Variants in TBC1D32 observed in about 807,000 individuals in gnomAD.
TBC1D32 encodes protein broad-minded.
In TBC1D32, 151 loss-of-function variants were observed where a neutral mutation model predicts 170.3. That is an observed-to-expected ratio of 0.89 (90% CI 0.78 to 1.01). The LOEUF (loss-of-function observed/expected upper bound fraction) is 1.01. TBC1D32 is among the 50% of genes least tolerant of loss of function. The pLI is 0.00. For synonymous variants in TBC1D32, 498 were observed against 488.0 expected (o/e 1.02, Z -0.27); for missense variants, 1,464 against 1,457.1 (o/e 1.00, Z -0.08).
At chr6:121,158,255 A>G (rs1056489678) in intron 24 of TBC1D32, among the ~76,000 whole-genome samples, 2 of 152,138 alleles carry the variant, frequency 1.3e-5, no homozygotes, top group African/African-American at 4.8e-5. Context: ...AAGCTTTGAG[A>G]TTCTTTCCTT....
At chr6:121,298,267 T>G (rs1223238555) in intron 10 of TBC1D32, among the ~76,000 whole-genome samples, 1 of 152,118 alleles carries the variant, frequency 6.6e-6, no homozygotes, top group African/African-American at 2.4e-5. Flanking sequence ...AATATTTGAC[T>G]AAGTTGATAA....
intron 5 of TBC1D32, among the ~76,000 whole-genome samples, chr6:121,305,942 CATA>C (rs1192422504): frequency 6.6e-6 from 1 of 151,974 alleles, no homozygotes; most frequent in African/African-American, 2.4e-5. Context: ...AACCTTGCTG[CATA>C]ATAATTTAAA....
chr6:121,197,971 A>G (rs1189902351), intron 22 of TBC1D32, among the ~76,000 whole-genome samples: 2 of 151,684 alleles, frequency 1.3e-5, no homozygotes, highest in African/African-American at 4.8e-5. Context: ...AAAAGGTGAG[A>G]CTGGCCTAGC....
intron 21 of TBC1D32, among the ~76,000 whole-genome samples, chr6:121,220,930 G>A (rs976054723): frequency 9.2e-5 from 14 of 151,998 alleles, no homozygotes; most frequent in East Asian, 1.9e-4. Context: ...CATGAACAAC[G>A]ACGCCCGGCC....
chr6:121,101,980 C>A (rs1349013807), intron 30 of TBC1D32, among the ~76,000 whole-genome samples: 1 of 152,112 alleles, frequency 6.6e-6, no homozygotes, highest in Non-Finnish European at 1.5e-5. Flanking sequence ...AGTGAACTCC[C>A]ATTCACAATT....
chr6:121,204,279 G>A (rs901684997), intron 22 of TBC1D32, among the ~76,000 whole-genome samples: 2 of 151,184 alleles, frequency 1.3e-5, no homozygotes, highest in Admixed American at 1.3e-4. Context: ...CAAACACGAA[G>A]CTCATCTATT....
At chr6:121,199,824 T>G (rs557472010) in intron 22 of TBC1D32, among the ~76,000 whole-genome samples, 31 of 151,528 alleles carry the variant, frequency 2.0e-4, no homozygotes, top group Non-Finnish European at 3.1e-4. Flanking sequence ...AATTTGGTGA[T>G]TTGTTGTGAT....
At chr6:121,098,798 A>C (rs747158545) in intron 30 of TBC1D32, among the ~76,000 whole-genome samples, 5 of 152,012 alleles carry the variant, frequency 3.3e-5, no homozygotes, top group Non-Finnish European at 7.4e-5. Flanking sequence ...TATATGATCC[A>C]GGATATTTCC....
intron 21 of TBC1D32, among the ~76,000 whole-genome samples, chr6:121,208,411 A>C (rs977050731): frequency 3.9e-5 from 6 of 152,058 alleles, no homozygotes; most frequent in African/African-American, 1.4e-4. Context: ...AGTGGGGAAA[A>C]GCTCCTTATA....
chr6:121,207,178 AT>A (rs199612132), intron 21 of TBC1D32, among the ~76,000 whole-genome samples: 9 of 152,172 alleles, frequency 5.9e-5, no homozygotes, highest in Non-Finnish European at 2.9e-5. Context: ...AGGAATCATT[AT>A]ACTTCTTGTA....
intron 24 of TBC1D32, among the ~76,000 whole-genome samples, chr6:121,146,858 G>A (rs1457531316): frequency 6.6e-6 from 1 of 152,058 alleles, no homozygotes; most frequent in African/African-American, 2.4e-5. Flanking sequence ...TATGTACAGG[G>A]TTGCTATATG....
intron 31 of TBC1D32, among the ~76,000 whole-genome samples, chr6:121,083,781 G>T (rs556937100): frequency 6.6e-6 from 1 of 152,172 alleles, no homozygotes; most frequent in African/African-American, 2.4e-5. Flanking sequence ...TAAGTTTATT[G>T]ACTCTAAGCC....
chr6:121,221,301 A>C (rs1351899443), intron 21 of TBC1D32, among the ~76,000 whole-genome samples: 1 of 152,228 alleles, frequency 6.6e-6, no homozygotes, highest in Non-Finnish European at 1.5e-5. Context: ...CTGCTCACTG[A>C]CAACACAACA....
chr6:121,320,946 A>G (rs6569196), intron 2 of TBC1D32, among the ~76,000 whole-genome samples: 150,416 of 152,230 alleles, frequency 0.99, 74,350 homozygotes, highest in Non-Finnish European at 1. Flanking sequence ...AAAAATTGAC[A>G]ATGGCATCCT....
At chr6:121,250,408 C>A (rs1189330611) in intron 17 of TBC1D32, among the ~76,000 whole-genome samples, 3 of 152,118 alleles carry the variant, frequency 2.0e-5, no homozygotes, top group Non-Finnish European at 4.4e-5. Flanking sequence ...CGGCTTCATT[C>A]CTGGGAAGCA....
chr6:121,253,291 G>T (rs1798532460), intron 17 of TBC1D32, among the ~76,000 whole-genome samples: 1 of 151,970 alleles, frequency 6.6e-6, no homozygotes, highest in African/African-American at 2.4e-5. Flanking sequence ...TAAAAAGTGG[G>T]CAAAGGACAT....
intron 25 of TBC1D32, among the ~76,000 whole-genome samples, chr6:121,129,628 T>C (rs910682244): frequency 6.6e-6 from 1 of 152,212 alleles, no homozygotes; most frequent in African/African-American, 2.4e-5. Flanking sequence ...AATAAACATG[T>C]TAGATAATTG....
intron 17 of TBC1D32, among the ~76,000 whole-genome samples, chr6:121,245,529 A>G (rs1563058482): frequency 6.6e-6 from 1 of 152,170 alleles, no homozygotes; most frequent in African/African-American, 2.4e-5. Flanking sequence ...AGTGCTGGGC[A>G]CAGTAAGGAA....
chr6:121,328,585 C>A (rs1810788141), intron 1 of TBC1D32, among the ~76,000 whole-genome samples: 1 of 152,006 alleles, frequency 6.6e-6, no homozygotes, highest in Non-Finnish European at 1.5e-5. Flanking sequence ...TGCCCGGCCT[C>A]TAGTTTTTTA....
Sources: gnomAD v4.1 joint callset for allele counts (sites outside exome capture counted in the v4.1 genomes callset) on GRCh38, gnomAD v4.1.1 for gene constraint, MANE v1.5 for transcripts, NCBI Gene and HGNC (gene_info 2026-07-23, HGNC 2026-07-21) for gene names.